The following STAC variants were observed in gnomAD, a reference collection of about 807,000 sequenced individuals.
STAC encodes the protein SH3 and cysteine rich domain.
STAC carries 43 observed loss-of-function variants against 48.8 expected under a neutral mutation model. The observed-to-expected ratio is 0.88, with a 90% CI of 0.69 to 1.14. The LOEUF is 1.14. Ranked by LOEUF, STAC falls within the 50% of genes most tolerant of loss-of-function variation. STAC has a pLI of 0.00. For synonymous variants in STAC, 193 were observed against 179.5 expected, an observed-to-expected ratio of 1.07 and a Z score of -0.60; for missense variants, 497 against 504.0, an observed-to-expected ratio of 0.99 and a Z score of 0.13.
At chr3:36,424,422 T>A (rs1049452252) in intron 1 of STAC, among the ~76,000 whole-genome samples, 1 of 152,176 alleles carries the variant, frequency 6.6e-6, no homozygotes, top group African/African-American at 2.4e-5. Context: ...TACAGATAGA[T>A]TGATATAAAA....
intron 1 of STAC, among the ~76,000 whole-genome samples, chr3:36,398,274 C>A (rs1699893842): frequency 7.4e-6 from 1 of 135,714 alleles, no homozygotes; most frequent in African/African-American, 2.8e-5. Flanking sequence ...TATTTTACTG[C>A]CATCTATGAA....
At chr3:36,387,020 G>C (rs2125612616) in intron 1 of STAC, among the ~76,000 whole-genome samples, 1 of 152,128 alleles carries the variant, frequency 6.6e-6, no homozygotes, top group South Asian at 2.1e-4. Flanking sequence ...AGTCCCCTAA[G>C]ACATCATTGA....
intron 1 of STAC, among the ~76,000 whole-genome samples, chr3:36,381,175 G>T (rs1699503126): frequency 6.6e-6 from 1 of 152,036 alleles, no homozygotes; most frequent in African/African-American, 2.4e-5. Context: ...TATCCCAAGG[G>T]TCTCAGAGAC....
Position 36,405,199 on chromosome 3 carries a change from C to T in STAC, c.111+24445C>T, listed in dbSNP as rs182256021. ...CCTTGGGGCCACCCATGCTTAAACC[C>T]GAATGCAAACCCCTCAGCCACCAAT... On this transcript the variant is annotated intron_variant, in intron 1 of 10. Transcript: ENST00000273183. 5.3e-5 allele frequency among the ~76,000 whole-genome samples: 8 copies of T among 152,198 alleles called. No individual in the cohort carries two copies. In the East Asian group the frequency reaches 5.8e-4, roughly 11 times the overall value.
intron 1 of STAC, among the ~76,000 whole-genome samples, chr3:36,394,668 A>G (rs1027504202): frequency 3.9e-5 from 6 of 152,068 alleles, no homozygotes. Flanking sequence ...AGGCTGAGGC[A>G]TGTGGATCAC....
At chr3:36,479,000 G>A (rs571085634) in intron 2 of STAC, among the ~76,000 whole-genome samples, 1 of 152,212 alleles carries the variant, frequency 6.6e-6, no homozygotes, top group East Asian at 1.9e-4. Context: ...CAGTGTACAG[G>A]TACTACAGAG....
intron 2 of STAC, among the ~76,000 whole-genome samples, chr3:36,475,517 GT>G (rs944402732): frequency 3.9e-5 from 6 of 152,156 alleles, no homozygotes; most frequent in Non-Finnish European, 4.4e-5. Context: ...TATTACATGT[GT>G]TTAGGTATAT....
intron 2 of STAC, among the ~76,000 whole-genome samples, chr3:36,479,719 C>T (rs555284087): frequency 6.6e-6 from 1 of 152,268 alleles, no homozygotes; most frequent in African/African-American, 2.4e-5. Flanking sequence ...TTTAAAGAGC[C>T]AGACTGAGAC....
At chr3:36,468,121 G>T (rs1311998069) in intron 2 of STAC, among the ~76,000 whole-genome samples, 1 of 152,062 alleles carries the variant, frequency 6.6e-6, no homozygotes, top group Non-Finnish European at 1.5e-5. Context: ...TCATTCAGGA[G>T]CAGGTTATTT....
intron 1 of STAC, among the ~76,000 whole-genome samples, chr3:36,433,148 T>G (rs1264794680): frequency 6.6e-6 from 1 of 152,036 alleles, no homozygotes; most frequent in Non-Finnish European, 1.5e-5. Context: ...CAGGCTAGAC[T>G]CCACAGAGAA....
At chr3:36,387,949 C>T (rs1259151367) in intron 1 of STAC, among the ~76,000 whole-genome samples, 5 of 152,002 alleles carry the variant, frequency 3.3e-5, no homozygotes, top group South Asian at 2.1e-4. Context: ...TGGATTCTGA[C>T]GAGTAATGCA....
At chr3:36,390,451 C>CTTGTTTTTTTTTTTTTT (rs1699727015) in intron 1 of STAC, among the ~76,000 whole-genome samples, 1 of 80,824 alleles carries the variant, frequency 1.2e-5, no homozygotes, top group Non-Finnish European at 2.4e-5. Flanking sequence ...TTTTTCTTTT[C>CTTGTTTTTTTTTTTTTT]TTTTTTTTTT....
At chr3:36,468,881 TG>T (rs1697250176) in intron 2 of STAC, among the ~76,000 whole-genome samples, 1 of 151,898 alleles carries the variant, frequency 6.6e-6, no homozygotes, top group Non-Finnish European at 1.5e-5. Context: ...CTTTAAAGTT[TG>T]TTTTGTCTTA....
At chr3:36,398,367 GA>G (rs531374967) in intron 1 of STAC, among the ~76,000 whole-genome samples, 1,849 of 83,462 alleles carry the variant, frequency 0.022, 81 homozygotes, top group East Asian at 0.075. Context: ...AAGAAAGAAA[GA>G]AAAGAAAGAG....
intron 1 of STAC, among the ~76,000 whole-genome samples, chr3:36,430,878 G>C (rs1700683860): frequency 6.6e-6 from 1 of 151,998 alleles, no homozygotes; most frequent in African/African-American, 2.4e-5. Flanking sequence ...ATCGGACTAG[G>C]GTACACCCTA....
rs371366847 is a variant in STAC at position 36,395,411 on chromosome 3, G to A, written c.111+14657G>A. Among the ~76,000 whole-genome samples the A allele has an allele frequency of 6.6e-5, 10 of 152,244 alleles. 2 individuals carry two copies. In the East Asian group the frequency reaches 1.9e-3, roughly 29 times the overall value. ...AAATGAGAAGAAAGAGAAAAGAGCA[G>A]ACATGAGAGGAATTTCGATGACAAG... is the stretch of plus-strand genomic sequence containing the variant. On this transcript the variant is annotated intron_variant, in intron 1 of 10. Transcript: ENST00000273183.
intron 1 of STAC, among the ~76,000 whole-genome samples, chr3:36,427,712 T>C (rs556801248): frequency 6.6e-6 from 1 of 152,320 alleles, no homozygotes; most frequent in South Asian, 2.1e-4. Context: ...CAGAAGTTAA[T>C]AGAGCAGTGA....
At chr3:36,432,467 C>T (rs1700728603) in intron 1 of STAC, among the ~76,000 whole-genome samples, 1 of 152,096 alleles carries the variant, frequency 6.6e-6, no homozygotes, top group African/African-American at 2.4e-5. Context: ...TTCCGGAGGC[C>T]GAGGCAGGTG....
At chr3:36,507,721 T>C (rs1698438565) in intron 8 of STAC, among the ~76,000 whole-genome samples, 1 of 152,200 alleles carries the variant, frequency 6.6e-6, no homozygotes, top group Non-Finnish European at 1.5e-5. Context: ...GTGTATAGTA[T>C]TCTCTGATGG....
Sources: allele counts gnomAD v4.1 joint callset (sites outside exome capture counted in the v4.1 genomes callset), GRCh38; gene constraint gnomAD v4.1.1; transcripts MANE v1.5; gene names NCBI Gene and HGNC (gene_info 2026-07-23, HGNC 2026-07-21).